Variants in CHCHD3 observed in about 807,000 individuals in gnomAD.
CHCHD3 encodes coiled-coil-helix-coiled-coil-helix domain containing 3.
Under a neutral mutation model 38.2 loss-of-function variants are expected in CHCHD3, and 20 were observed. That is an observed-to-expected ratio of 0.52 (90% CI 0.37 to 0.76). The LOEUF (loss-of-function observed/expected upper bound fraction) is 0.76, where lower values mean the gene tolerates loss of function less well. Ranked by LOEUF, CHCHD3 falls within the 30% of genes least tolerant of loss-of-function variation. CHCHD3 has a pLI of 0.00. For missense variants in CHCHD3, 245 were observed against 279.2 expected (o/e 0.88, Z 0.87); for synonymous variants, 82 against 100.0 (o/e 0.82, Z 1.07).
At position 132,785,360 on chromosome 7, in the gene CHCHD3, A is replaced by G; in HGVS notation, c.*277T>C. 1 of 449,122 alleles carries G rather than the reference A, an allele frequency of 2.2e-6. No individual in the cohort carries two copies. Among genetic ancestry groups the G allele is most frequent in the South Asian group, 3.3e-5 (1 of 29,910 alleles). 27.8% of individuals were successfully genotyped at this position (449,122 alleles called of 1,614,324 possible). A position where few individuals can be genotyped will look rare whatever the true frequency, so the allele number is the denominator to read the frequency against. The stretch of plus-strand genomic sequence containing the variant: ...TGCAAGTTGAATAGAAAGTACCAAA[A>G]GGTGGAGAGGGCTGCCCTTCTCTTT... On this transcript the variant is annotated 3_prime_UTR_variant, in exon 8 of 8. Coordinates refer to ENST00000262570, the MANE Select transcript of CHCHD3 (RefSeq NM_017812.4).
chr7:132,846,616 T>C (rs1808082932), intron 5 of CHCHD3, among the ~76,000 whole-genome samples: 1 of 152,186 alleles, frequency 6.6e-6, no homozygotes, highest in African/African-American at 2.4e-5. Context: ...TAGGAGTAGG[T>C]ATCTTGTCCT....
rs116699608 is a variant in CHCHD3 at position 132,917,419 on chromosome 7, T to C, written c.370-31674A>G. On this transcript the variant is annotated intron_variant, in intron 4 of 7. Coordinates refer to ENST00000262570, the MANE Select transcript of CHCHD3 (RefSeq NM_017812.4). ...TCAACCCTCTCCTCTTTTAACTAAG[T>C]ATCTGTATTATACAGCCAAACATTT... Among the ~76,000 whole-genome samples, 461 of 152,334 alleles carry C rather than the reference T, an allele frequency of 3.0e-3. 1 individual carries two copies. Among genetic ancestry groups the C allele is most frequent in the African/African-American group, 0.011 (442 of 41,566 alleles).
At chr7:133,020,032 C>T (rs1218300510) in intron 3 of CHCHD3, among the ~76,000 whole-genome samples, 2 of 151,952 alleles carry the variant, frequency 1.3e-5, no homozygotes, top group South Asian at 2.1e-4. Flanking sequence ...ATTCTCGGTA[C>T]GCTGAGCAAC....
At chr7:132,790,516 T>C (rs1806429887) in intron 7 of CHCHD3, among the ~76,000 whole-genome samples, 1 of 152,192 alleles carries the variant, frequency 6.6e-6, no homozygotes. Flanking sequence ...TTTGCTTTGA[T>C]CTGACTCTAA....
intron 5 of CHCHD3, among the ~76,000 whole-genome samples, chr7:132,877,443 A>G (rs1808940775): frequency 6.6e-6 from 1 of 152,204 alleles, no homozygotes; most frequent in African/African-American, 2.4e-5. Context: ...AAGCAGGTAG[A>G]TTGTAAAATG....
chr7:133,001,603 C>T (rs115117831), intron 3 of CHCHD3, among the ~76,000 whole-genome samples: 351 of 152,270 alleles, frequency 2.3e-3, no homozygotes, highest in African/African-American at 7.8e-3. Context: ...TTACACATGG[C>T]ATAGCTTTCC....
intron 2 of CHCHD3, among the ~76,000 whole-genome samples, chr7:133,037,039 A>G (rs1813699613): frequency 6.6e-6 from 1 of 152,234 alleles, no homozygotes; most frequent in South Asian, 2.1e-4. Context: ...CAAGATTCAC[A>G]TATTTATTGT....
At chr7:132,953,408 C>G (rs1410105275) in intron 4 of CHCHD3, among the ~76,000 whole-genome samples, 1 of 152,182 alleles carries the variant, frequency 6.6e-6, no homozygotes, top group Non-Finnish European at 1.5e-5. Context: ...GACATCCTGA[C>G]TTCATGCTCA....
At chr7:133,063,342 A>C (rs1009059650) in intron 2 of CHCHD3, among the ~76,000 whole-genome samples, 3 of 152,056 alleles carry the variant, frequency 2.0e-5, no homozygotes, top group Non-Finnish European at 2.9e-5. Flanking sequence ...CTGCCACTCT[A>C]CCTAGACCAG....
Position 132,854,718 on chromosome 7 carries a change from G to A in CHCHD3, c.454-16249C>T, listed in dbSNP as rs1808303579. 2.0e-5 allele frequency among the ~76,000 whole-genome samples: 3 copies of A among 152,124 alleles called. No homozygotes were observed. The South Asian group carries it at 6.2e-4, about 32-fold the overall frequency. ...TTATTCACTCAAGTATTTACTGAAT[G>A]CAACTTCTACAGAGTAAGGTCCTAG... On this transcript the variant is annotated intron_variant, in intron 5 of 7. Transcript: ENST00000262570.
intron 4 of CHCHD3, among the ~76,000 whole-genome samples, chr7:132,904,028 G>A (rs6973184): frequency 0.2 from 30,693 of 152,056 alleles, 3,488 homozygotes; most frequent in South Asian, 0.27. Context: ...GGGAGGCTGA[G>A]GTGGGGGGAT....
At chr7:132,913,991 G>A (rs1585632197) in intron 4 of CHCHD3, among the ~76,000 whole-genome samples, 1 of 105,364 alleles carries the variant, frequency 9.5e-6, no homozygotes, top group Non-Finnish European at 1.8e-5. Flanking sequence ...TTGCTCTATT[G>A]CCCAGGCTTC....
At chr7:132,817,985 T>TC (rs769637449) in intron 6 of CHCHD3, among the ~76,000 whole-genome samples, 61 of 152,010 alleles carry the variant, frequency 4.0e-4, no homozygotes, top group Non-Finnish European at 6.2e-4. Context: ...AGCAAGTGAG[T>TC]CACCCATTCC....
intron 5 of CHCHD3, among the ~76,000 whole-genome samples, chr7:132,867,879 A>G (rs1808670647): frequency 6.6e-6 from 1 of 152,350 alleles, no homozygotes; most frequent in African/African-American, 2.4e-5. Context: ...GAAATGTTTT[A>G]ACTGCAGAGT....
At chr7:132,987,550 C>T (rs10269293) in intron 3 of CHCHD3, among the ~76,000 whole-genome samples, 67,731 of 152,006 alleles carry the variant, frequency 0.45, 15,353 homozygotes, top group East Asian at 0.55. Flanking sequence ...TGATGAGTGC[C>T]TTCGAAACAG....
At chr7:132,992,208 GCAGCAGCAGC>G (rs1331628918) in intron 3 of CHCHD3, among the ~76,000 whole-genome samples, 2 of 152,154 alleles carry the variant, frequency 1.3e-5, no homozygotes, top group African/African-American at 4.8e-5. Flanking sequence ...ACTTGCTCCT[GCAGCAGCAGC>G]AGTTGAGTCT....
chr7:132,832,091 A>G (rs1807665374), intron 6 of CHCHD3, among the ~76,000 whole-genome samples: 1 of 152,246 alleles, frequency 6.6e-6, no homozygotes, highest in African/African-American at 2.4e-5. Context: ...AGGACATTTT[A>G]AAGTCAAAGG....
chr7:132,868,876 T>G (rs951699737), intron 5 of CHCHD3, among the ~76,000 whole-genome samples: 1 of 152,138 alleles, frequency 6.6e-6, no homozygotes, highest in African/African-American at 2.4e-5. Flanking sequence ...CTCCTTGCTC[T>G]TGCCCACCAC....
At chr7:133,021,331 T>C (rs1420404509) in intron 3 of CHCHD3, among the ~76,000 whole-genome samples, 7 of 152,194 alleles carry the variant, frequency 4.6e-5, no homozygotes, top group South Asian at 2.1e-4. Flanking sequence ...ATCAGGGGCA[T>C]GCAAAGAAAT....
Sources: gnomAD v4.1 joint callset for allele counts (sites outside exome capture counted in the v4.1 genomes callset) on GRCh38, gnomAD v4.1.1 for gene constraint, MANE v1.5 for transcripts, NCBI Gene and HGNC (gene_info 2026-07-23, HGNC 2026-07-21) for gene names.